NUBPL: variants seen among roughly 807,000 people sequenced by gnomAD.
NUBPL encodes NUBP iron-sulfur cluster assembly factor, mitochondrial.
A neutral mutation model predicts 45.7 loss-of-function variants in NUBPL; 31 were observed. That is an observed-to-expected ratio of 0.68 (90% CI 0.51 to 0.92). NUBPL has a LOEUF of 0.92. NUBPL is among the 40% of genes least tolerant of loss of function. The pLI is 0.00. For missense variants in NUBPL, 401 were observed against 398.7 expected (o/e 1.01, Z -0.05); for synonymous variants, 144 against 140.9 (o/e 1.02, Z -0.15).
intron 8 of NUBPL, among the ~76,000 whole-genome samples, chr14:31,832,122 TC>T (rs1277671962): frequency 6.6e-6 from 1 of 152,292 alleles, no homozygotes; most frequent in East Asian, 1.9e-4. Flanking sequence ...TTGTGTTTCT[TC>T]CTGATGTAAC....
At chr14:31,855,630 T>C (rs1443457485) in intron 10 of NUBPL, among the ~76,000 whole-genome samples, 1 of 152,130 alleles carries the variant, frequency 6.6e-6, no homozygotes, top group African/African-American at 2.4e-5. Context: ...AGAGTTTTTT[T>C]TTTTTTTAAG....
chr14:31,594,442 T>C (rs1238256328), intron 3 of NUBPL, among the ~76,000 whole-genome samples: 2 of 152,220 alleles, frequency 1.3e-5, no homozygotes, highest in Non-Finnish European at 2.9e-5. Flanking sequence ...CTGCCATTTA[T>C]CTTGCATTTC....
intron 4 of NUBPL, among the ~76,000 whole-genome samples, chr14:31,601,743 G>A (rs2034439815): frequency 6.6e-6 from 1 of 152,094 alleles, no homozygotes; most frequent in Non-Finnish European, 1.5e-5. Flanking sequence ...GAAACAACAG[G>A]TGCTGGAGAG....
At chr14:31,658,043 C>G (rs549470677) in intron 4 of NUBPL, among the ~76,000 whole-genome samples, 2 of 152,270 alleles carry the variant, frequency 1.3e-5, no homozygotes, top group South Asian at 4.1e-4. Flanking sequence ...AATTCAACTA[C>G]TGTTTAAAAG....
intron 6 of NUBPL, among the ~76,000 whole-genome samples, chr14:31,761,298 C>A (rs1368970014): frequency 6.6e-6 from 1 of 152,146 alleles, no homozygotes; most frequent in Admixed American, 6.5e-5. Context: ...GTGATTCTCC[C>A]ACCTCAGCCT....
chr14:31,798,456 G>A (rs1334281311), intron 7 of NUBPL, among the ~76,000 whole-genome samples: 4 of 151,648 alleles, frequency 2.6e-5, no homozygotes, highest in African/African-American at 9.7e-5. Context: ...AATTACTAAT[G>A]AGAATAATTA....
At chr14:31,631,526 A>G (rs2035343716) in intron 4 of NUBPL, among the ~76,000 whole-genome samples, 1 of 151,856 alleles carries the variant, frequency 6.6e-6, no homozygotes, top group African/African-American at 2.4e-5. Flanking sequence ...ATTATAAGGA[A>G]TTGGCTCACA....
chr14:31,798,302 G>GTTTTTTTTTTTTTTTTTTTTTTTT, intron 7 of NUBPL, among the ~76,000 whole-genome samples: 1 of 98,730 alleles, frequency 1.0e-5, no homozygotes, highest in African/African-American at 3.8e-5. Flanking sequence ...ATTTATTTAT[G>GTTTTTTTTTTTTTTTTTTTTTTTT]GTTTTTTTTT....
chr14:31,771,961 C>A, intron 6 of NUBPL: 1 of 796,192 alleles, frequency 1.3e-6, no homozygotes. Flanking sequence ...CAGTAATGTC[C>A]TTCAAGTGCT....
chr14:31,643,670 G>A (rs146696314), intron 4 of NUBPL, among the ~76,000 whole-genome samples: 6 of 152,150 alleles, frequency 3.9e-5, no homozygotes, highest in African/African-American at 9.6e-5. Context: ...TATAGGATCC[G>A]TTTGGAAGTA....
At chr14:31,570,996 G>A (rs1287240889) in intron 3 of NUBPL, among the ~76,000 whole-genome samples, 3 of 152,138 alleles carry the variant, frequency 2.0e-5, no homozygotes, top group Non-Finnish European at 4.4e-5. Context: ...AATATCCTCT[G>A]CCATCTGGCT....
intron 4 of NUBPL, chr14:31,654,142 A>C: frequency 2.2e-6 from 1 of 453,050 alleles, no homozygotes; most frequent in Non-Finnish European, 4.4e-6. Context: ...AAAGTAAGCA[A>C]CATGAATTTT....
intron 2 of NUBPL, among the ~76,000 whole-genome samples, chr14:31,564,346 A>G (rs1391112225): frequency 6.6e-6 from 1 of 151,982 alleles, no homozygotes; most frequent in Non-Finnish European, 1.5e-5. Flanking sequence ...ATACATGAGT[A>G]TTTATGAATT....
chr14:31,781,752 T>C (rs2039194996), intron 6 of NUBPL, among the ~76,000 whole-genome samples: 1 of 152,158 alleles, frequency 6.6e-6, no homozygotes, highest in Non-Finnish European at 1.5e-5. Flanking sequence ...CAAGTTTCTT[T>C]CTTAAAATTT....
At chr14:31,826,849 G>T in intron 8 of NUBPL, 135 bp downstream of exon 8, 1 of 810,046 alleles carries the variant, frequency 1.2e-6, no homozygotes, top group Admixed American at 2.1e-5. Flanking sequence ...TATCATTTTG[G>T]TGACTTTAAA....
intron 8 of NUBPL, among the ~76,000 whole-genome samples, chr14:31,829,125 A>G (rs1054320438): frequency 2.6e-5 from 4 of 152,196 alleles, no homozygotes; most frequent in Non-Finnish European, 1.5e-5. Flanking sequence ...GACAAGGTCC[A>G]GGATGCTGTC....
chr14:31,683,553 A>G (rs2036885240), intron 6 of NUBPL, among the ~76,000 whole-genome samples: 2 of 151,800 alleles, frequency 1.3e-5, no homozygotes, highest in African/African-American at 2.4e-5. Flanking sequence ...GAGTTTCACC[A>G]TTTTGGCTAG....
rs547175528 is a variant in NUBPL at position 31,810,922 on chromosome 14, C to T, written c.608-15707C>T. Among the ~76,000 whole-genome samples, 13 of 152,254 alleles carry T rather than the reference C, an allele frequency of 8.5e-5. No individual in the cohort carries two copies. In the South Asian group the frequency reaches 2.7e-3, roughly 32 times the overall value. On this transcript the variant is annotated intron_variant, in intron 7 of 10. Coordinates refer to ENST00000281081, the MANE Select transcript of NUBPL (RefSeq NM_025152.3). ...GAAATTCTGGGTTGAAAATTCTTTT[C>T]TTAAAGAATGTTGAATATTGGCCCC...
At chr14:31,805,811 C>G (rs181096634) in intron 7 of NUBPL, among the ~76,000 whole-genome samples, 12 of 144,772 alleles carry the variant, frequency 8.3e-5, no homozygotes, top group Admixed American at 6.6e-5. Context: ...GGGTATTAGG[C>G]TTAATACGTG....
Sources: allele counts gnomAD v4.1 joint callset (sites outside exome capture counted in the v4.1 genomes callset), GRCh38; gene constraint gnomAD v4.1.1; transcripts MANE v1.5; gene names NCBI Gene and HGNC (gene_info 2026-07-23, HGNC 2026-07-21).